The following SHANK2 variants were observed in gnomAD, a reference collection of about 807,000 sequenced individuals.
SHANK2 encodes SH3 and multiple ankyrin repeat domains protein 2.
A neutral mutation model predicts 133.7 loss-of-function variants in SHANK2; 43 were observed. That is an observed-to-expected ratio of 0.32 (90% CI 0.25 to 0.41). SHANK2 has a LOEUF of 0.41. Among genes scored for constraint, SHANK2 ranks in the 10% least tolerant of loss-of-function variants. SHANK2 has a pLI of 1.00. For synonymous variants in SHANK2, 1,017 were observed against 952.8 expected (o/e 1.07, Z -1.24); for missense variants, 1,994 against 2,235.8 (o/e 0.89, Z 2.18).
intron 2 of SHANK2, among the ~76,000 whole-genome samples, chr11:71,210,352 C>G (rs1379976632): frequency 6.7e-6 from 1 of 149,852 alleles, no homozygotes; most frequent in African/African-American, 2.5e-5. Context: ...AGGTTCATGC[C>G]ATTCTCCTGC....
At chr11:70,881,066 CTCTG>C (rs1379375108) in intron 11 of SHANK2, among the ~76,000 whole-genome samples, 1 of 152,212 alleles carries the variant, frequency 6.6e-6, no homozygotes, top group African/African-American at 2.4e-5. Context: ...GAAACAGAAT[CTCTG>C]TCTGTCATCC....
intron 17 of SHANK2, among the ~76,000 whole-genome samples, chr11:70,612,971 G>A (rs1423314557): frequency 6.6e-6 from 1 of 152,070 alleles, no homozygotes; most frequent in Non-Finnish European, 1.5e-5. Flanking sequence ...CACGGCATCC[G>A]GATCCTTTCT....
chr11:70,533,236 A>G (rs1279785534), intron 17 of SHANK2, among the ~76,000 whole-genome samples: 1 of 152,084 alleles, frequency 6.6e-6, no homozygotes, highest in Non-Finnish European at 1.5e-5. Context: ...TTTTATGTGT[A>G]TTTTTACATT....
At chr11:70,731,505 C>A (rs1946290417) in intron 14 of SHANK2, among the ~76,000 whole-genome samples, 1 of 152,212 alleles carries the variant, frequency 6.6e-6, no homozygotes, top group African/African-American at 2.4e-5. Flanking sequence ...TCACACAGTA[C>A]ACAATGTGTG....
chr11:70,642,359 A>C (rs1167469024), intron 17 of SHANK2, among the ~76,000 whole-genome samples: 1 of 140,884 alleles, frequency 7.1e-6, no homozygotes. Flanking sequence ...GGTGGGGGGG[A>C]AATGCCCAGG....
chr11:70,783,214 G>A (rs1555045598), intron 14 of SHANK2, among the ~76,000 whole-genome samples: 5 of 152,138 alleles, frequency 3.3e-5, no homozygotes. Flanking sequence ...TCAGTGTTCT[G>A]TTACAGAAGC....
At chr11:70,931,795 C>T (rs912206056) in intron 10 of SHANK2, among the ~76,000 whole-genome samples, 1 of 152,272 alleles carries the variant, frequency 6.6e-6, no homozygotes, top group East Asian at 1.9e-4. Context: ...CCACTGCCTG[C>T]TGCTGAAGGG....
intron 17 of SHANK2, among the ~76,000 whole-genome samples, chr11:70,552,691 C>T (rs188169978): frequency 1.2e-3 from 179 of 152,252 alleles, no homozygotes; most frequent in Non-Finnish European, 2.4e-3. Context: ...TTCTCCGTGG[C>T]GCAGGGGGCC....
At chr11:70,914,348 G>T (rs908695908) in intron 10 of SHANK2, among the ~76,000 whole-genome samples, 1 of 151,772 alleles carries the variant, frequency 6.6e-6, no homozygotes, top group Non-Finnish European at 1.5e-5. Context: ...CAATACCCAG[G>T]CTTTTCTGGC....
chr11:71,084,214 G>A (rs1951346258), intron 8 of SHANK2, among the ~76,000 whole-genome samples: 1 of 152,098 alleles, frequency 6.6e-6, no homozygotes, highest in South Asian at 2.1e-4. Flanking sequence ...CTCGTGATCT[G>A]CCCGCCTTGG....
intron 14 of SHANK2, among the ~76,000 whole-genome samples, chr11:70,759,783 T>G (rs1387586967): frequency 6.6e-6 from 1 of 152,224 alleles, no homozygotes; most frequent in Non-Finnish European, 1.5e-5. Flanking sequence ...GGCCTTGGGA[T>G]GGACAACATT....
chr11:70,556,434 A>AT lies in SHANK2; in HGVS notation c.2062-53504dup, dbSNP rs2059831775. On this transcript the variant is annotated intron_variant, in intron 17 of 25. Transcript: ENST00000601538. ...CTCTCTCTCTCTCTAGCTTTCCTTT[A>AT]TTTTTTTGTCTTGCTCTGTTGCCCA... 3.2e-5 allele frequency among the ~76,000 whole-genome samples: 4 copies of AT among 123,108 alleles called. No individual in the cohort carries two copies. The East Asian group carries it at 7.1e-4, about 22-fold the overall frequency. 80.8% of individuals were successfully genotyped at this position (123,108 alleles called of 152,430 possible).
chr11:70,583,228 A>C (rs970817272), intron 17 of SHANK2, among the ~76,000 whole-genome samples: 5 of 152,194 alleles, frequency 3.3e-5, no homozygotes, highest in African/African-American at 1.2e-4. Context: ...GGCTGACTCC[A>C]GAAGGCCTAG....
chr11:71,216,767 A>G (rs1165357317), intron 2 of SHANK2, among the ~76,000 whole-genome samples: 2 of 152,106 alleles, frequency 1.3e-5, no homozygotes, highest in African/African-American at 4.8e-5. Flanking sequence ...GCCTAAACAG[A>G]CCTCCTGCAC....
chr11:70,853,981 C>A (rs1396640103), intron 11 of SHANK2, among the ~76,000 whole-genome samples: 1 of 152,144 alleles, frequency 6.6e-6, no homozygotes, highest in Non-Finnish European at 1.5e-5. Context: ...ACCAATTAAA[C>A]CCACAAAGAC....
chr11:70,815,211 C>CGAA, intron 12 of SHANK2, among the ~76,000 whole-genome samples: 1 of 125,860 alleles, frequency 7.9e-6, no homozygotes, highest in African/African-American at 2.7e-5. Context: ...CACACACACA[C>CGAA]ACACACACAC....
At chr11:70,646,023 C>T (rs1299427899) in intron 17 of SHANK2, 1 of 152,236 alleles carries the variant, frequency 6.6e-6, no homozygotes, top group Non-Finnish European at 1.5e-5. Context: ...GGGACCCTGG[C>T]ATACAGTAAG....
intron 17 of SHANK2, among the ~76,000 whole-genome samples, chr11:70,587,399 C>T (rs781938763): frequency 2.0e-5 from 3 of 152,198 alleles, no homozygotes; most frequent in South Asian, 2.1e-4. Context: ...CGCGGCACCA[C>T]GGGTACATCT....
At chr11:70,951,908 C>T (rs1431725906) in intron 10 of SHANK2, among the ~76,000 whole-genome samples, 6 of 152,228 alleles carry the variant, frequency 3.9e-5, no homozygotes, top group African/African-American at 1.2e-4. Context: ...TCTCTTTTCG[C>T]TTTTCTTAAG....
Sources: gnomAD v4.1 joint callset for allele counts (sites outside exome capture counted in the v4.1 genomes callset) on GRCh38, gnomAD v4.1.1 for gene constraint, MANE v1.5 for transcripts, NCBI Gene and HGNC (gene_info 2026-07-23, HGNC 2026-07-21) for gene names.